Variants in PCDHA6 observed in about 807,000 individuals in gnomAD.
PCDHA6 encodes the protein protocadherin alpha-6.
PCDHA6 carries 55 observed loss-of-function variants against 60.3 expected under a neutral mutation model. The observed-to-expected ratio is 0.91, with a 90% CI of 0.73 to 1.14. The LOEUF (loss-of-function observed/expected upper bound fraction) is 1.14, where lower values mean the gene tolerates loss of function less well. Ranked by LOEUF, PCDHA6 falls within the 50% of genes most tolerant of loss-of-function variation. The probability of loss-of-function intolerance (pLI) is 0.00; values close to 1 mark genes in which losing one functional copy is unlikely to be tolerated. For synonymous variants in PCDHA6, 652 were observed against 557.9 expected (o/e 1.17, Z -2.38); for missense variants, 1,327 against 1,256.5 (o/e 1.06, Z -0.85).
At chr5:140,959,269 C>A (rs1334380683) in intron 1 of PCDHA6, among the ~76,000 whole-genome samples, 1 of 151,924 alleles carries the variant, frequency 6.6e-6, no homozygotes, top group Non-Finnish European at 1.5e-5. Flanking sequence ...CCCAGCTACC[C>A]AGGAGCCTGA....
intron 1 of PCDHA6, among the ~76,000 whole-genome samples, chr5:140,907,407 C>G (rs1438882988): frequency 3.3e-5 from 5 of 152,168 alleles, no homozygotes; most frequent in African/African-American, 1.2e-4. Flanking sequence ...GTGTGGAATA[C>G]CACGATGGTG....
intron 1 of PCDHA6, among the ~76,000 whole-genome samples, chr5:140,897,824 A>G (rs1234550995): frequency 2.6e-5 from 4 of 152,016 alleles, no homozygotes; most frequent in African/African-American, 9.7e-5. Flanking sequence ...AAGTGTTCCT[A>G]TTTCTCCACA....
In PCDHA6 at chr5:140,949,770, T is replaced by C. The variant is rs955982016; in HGVS notation, c.2395-29179T>C. On this transcript the variant is annotated intron_variant, in intron 1 of 3. Coordinates refer to ENST00000529310, the MANE Select transcript of PCDHA6 (RefSeq NM_018909.4). ...TTAGCCCATTCACATTAGTGTAATA[T>C]TTGATATGTTTAGATTTGTGTCCTT... Among the ~76,000 whole-genome samples, 3 of 152,026 alleles carry C rather than the reference T, an allele frequency of 2.0e-5. 1 individual carries two copies. The highest frequency in any genetic ancestry group is 6.8e-3 in the Middle Eastern group (2 of 294).
Position 140,828,694 on chromosome 5 carries a change from C to T in PCDHA6, c.603C>T (p.Asp201=), listed in dbSNP as rs2150157980. 1 of 1,614,198 alleles carries T rather than the reference C, an allele frequency of 6.2e-7. No individual in the cohort carries two copies. Among genetic ancestry groups the T allele is most frequent in the South Asian group, 1.1e-5 (1 of 91,088 alleles). The change falls in exon 1 of 4, where the codon GAC becomes GAT. Residue 201 remains aspartate, a synonymous_variant. Transcript: ENST00000529310. ...QIGLLLKKSL[D]REEAPAHNLF... is the part of the protein sequence containing the mutation. ...GGCTCTTATTAAAGAAATCCTTGGA[C>T]AGAGAGGAAGCTCCTGCACACAACT...
intron 1 of PCDHA6, among the ~76,000 whole-genome samples, chr5:140,976,681 A>T (rs2096726641): frequency 6.6e-6 from 1 of 152,206 alleles, no homozygotes; most frequent in Non-Finnish European, 1.5e-5. Context: ...TCATTTTTGC[A>T]ATTTAAGTAC....
At chr5:140,884,469 C>T (rs371718634) in intron 1 of PCDHA6, 1 of 1,613,766 alleles carries the variant, frequency 6.2e-7, no homozygotes, top group Admixed American at 1.7e-5. Flanking sequence ...GCGTGCGCGC[C>T]GGGCAAGCCC....
At position 140,848,602 on chromosome 5, in the gene PCDHA6, C is replaced by T. The variant is rs140949600; in HGVS notation, c.2394+18117C>T. 50 of 1,593,476 alleles carry T rather than the reference C, an allele frequency of 3.1e-5. 3 individuals carry two copies. The African/African-American group carries it at 6.1e-4, about 19-fold the overall frequency. On this transcript the variant is annotated intron_variant, in intron 1 of 3. Transcript: ENST00000529310. ...AGCGGCCAGCTCCACTACTCCGTCC[C>T]GGAGGAAGCCGAACACGGCACCTTC...
At position 140,850,247 on chromosome 5, in the gene PCDHA6, G is replaced by T; in HGVS notation, c.2394+19762G>T. On this transcript the variant is annotated intron_variant, in intron 1 of 3. Coordinates refer to ENST00000529310, the MANE Select transcript of PCDHA6 (RefSeq NM_018909.4). ...CAGTGAGCGAGATGGTGCTGCGGTC[G>T]GTGGGCGCCGGCGTAGTGGTGGGGA... is the stretch of plus-strand genomic sequence containing the variant. 10 of 1,593,682 alleles carry T rather than the reference G, an allele frequency of 6.3e-6. 1 individual carries two copies. Among genetic ancestry groups the T allele is most frequent in the Non-Finnish European group, 8.6e-6 (10 of 1,166,960 alleles).
intron 1 of PCDHA6, chr5:140,883,019 G>A (rs1554176509): frequency 1.2e-6 from 2 of 1,613,986 alleles, no homozygotes; most frequent in South Asian, 1.1e-5. Flanking sequence ...TAAAGTGACG[G>A]TGTTAGAGAA....
intron 2 of PCDHA6, among the ~76,000 whole-genome samples, chr5:140,980,889 T>C (rs1554242442): frequency 2.6e-5 from 4 of 152,202 alleles, no homozygotes; most frequent in Non-Finnish European, 4.4e-5. Flanking sequence ...GTCTTTCCAG[T>C]CTTGGACATC....
chr5:140,909,970 G>A (rs76359002), intron 1 of PCDHA6, among the ~76,000 whole-genome samples: 2,125 of 152,312 alleles, frequency 0.014, 45 homozygotes, highest in African/African-American at 0.049. Flanking sequence ...CATGGGGAAG[G>A]ATGGGAGAAA....
intron 1 of PCDHA6, chr5:140,968,689 A>T: frequency 2.5e-6 from 4 of 1,614,124 alleles, no homozygotes; most frequent in Non-Finnish European, 3.4e-6. Context: ...ACACAGGAGA[A>T]ATTAGGACTA....
Position 140,881,024 on chromosome 5 carries a change from A to G in PCDHA6, c.2394+50539A>G, listed in dbSNP as rs1330072249. Among the ~76,000 whole-genome samples the G allele has an allele frequency of 1.1e-4, 17 of 152,246 alleles. 1 individual carries two copies. Among genetic ancestry groups the G allele is most frequent in the Admixed American group, 5.2e-4 (8 of 15,290 alleles). ...GAGCAGAGCTATGGAAATAAACCCA[A>G]CAGTCATTTCCTATAGAGTTGTGCA... On this transcript the variant is annotated intron_variant, in intron 1 of 3. Coordinates refer to ENST00000529310, the MANE Select transcript of PCDHA6 (RefSeq NM_018909.4).
chr5:140,841,175 A>G (rs1265444070), intron 1 of PCDHA6: 19 of 1,071,444 alleles, frequency 1.8e-5, no homozygotes, highest in African/African-American at 3.2e-5. Flanking sequence ...CTGGTTGGTC[A>G]ATGTTCAAAG....
intron 1 of PCDHA6, chr5:140,927,853 G>A: frequency 6.2e-7 from 1 of 1,614,214 alleles, no homozygotes. Flanking sequence ...CTTTGGTTTA[G>A]CTAGCACCGC....
In PCDHA6 at chr5:140,834,181, A is replaced by G. The variant is rs999943997; in HGVS notation, c.2394+3696A>G. 5 of 566,952 alleles carry G rather than the reference A, an allele frequency of 8.8e-6. No homozygotes were observed. In the South Asian group the frequency reaches 1.3e-4, roughly 15 times the overall value. The allele number at this position is 566,952 out of a possible 1,614,324, so 35.1% of individuals were successfully genotyped here. A position where few individuals can be genotyped will look rare whatever the true frequency, so the allele number is the denominator to read the frequency against. On this transcript the variant is annotated intron_variant, in intron 1 of 3. Transcript: ENST00000529310. The stretch of plus-strand genomic sequence containing the variant: ...TAATTCTTACTTACATGATGGCCAC[A>G]TGATGTCGCTCTTTACCGCAAATTC...
At chr5:140,924,662 A>C (rs891233024) in intron 1 of PCDHA6, among the ~76,000 whole-genome samples, 6 of 152,166 alleles carry the variant, frequency 3.9e-5, no homozygotes, top group Non-Finnish European at 5.9e-5. Flanking sequence ...TGGGAGGCCG[A>C]GGCAGGCCAA....
chr5:140,836,113 T>A, intron 1 of PCDHA6: 1 of 1,613,528 alleles, frequency 6.2e-7, no homozygotes, highest in South Asian at 1.1e-5. Flanking sequence ...GGTGGCGCAG[T>A]GAGAGAGCTT....
intron 1 of PCDHA6, among the ~76,000 whole-genome samples, chr5:140,916,262 G>A: frequency 6.6e-6 from 1 of 152,202 alleles, no homozygotes; most frequent in East Asian, 1.9e-4. Flanking sequence ...GACCCCAAGA[G>A]CATGCTTGTT....
Sources: gnomAD v4.1 joint callset for allele counts (sites outside exome capture counted in the v4.1 genomes callset) on GRCh38, gnomAD v4.1.1 for gene constraint, MANE v1.5 for transcripts, NCBI Gene and HGNC (gene_info 2026-07-23, HGNC 2026-07-21) for gene names.